Variants in CBR4 observed in about 807,000 individuals in gnomAD.
The protein encoded by CBR4 is 3-oxoacyl-[acyl-carrier-protein] reductase.
CBR4 carries 22 observed loss-of-function variants against 21.0 expected under a neutral mutation model. The ratio of observed to expected loss-of-function variants is 1.05; its 90% CI spans 0.75 to 1.50. CBR4 has a LOEUF of 1.50. Among genes scored for constraint, CBR4 ranks in the 40% most tolerant of loss-of-function variants. CBR4 has a pLI of 0.00. For missense variants in CBR4, 302 were observed against 286.3 expected, an observed-to-expected ratio of 1.05 and a Z score of -0.40; for synonymous variants, 100 against 104.4, an observed-to-expected ratio of 0.96 and a Z score of 0.26.
chr4:168,963,492 T>TG (rs1309071116), intron 2 of CBR4, among the ~76,000 whole-genome samples: 1 of 149,340 alleles, frequency 6.7e-6, no homozygotes, highest in Non-Finnish European at 1.5e-5. Flanking sequence ...TTTTTTGAGA[T>TG]GGAGTCTCAC....
chr4:168,961,047 G>A (rs1203139814), intron 2 of CBR4, among the ~76,000 whole-genome samples: 6 of 152,322 alleles, frequency 3.9e-5, no homozygotes, highest in South Asian at 4.1e-4. Context: ...AAGTGATCAC[G>A]TATTACAAGA....
chr4:168,895,521 T>C (rs1754937461), intron 2 of CBR4, among the ~76,000 whole-genome samples: 1 of 152,256 alleles, frequency 6.6e-6, no homozygotes, highest in South Asian at 2.1e-4. Flanking sequence ...TATTATAGAC[T>C]GTAGTCTTAA....
At chr4:168,985,405 T>C (rs1190793842), downstream of CBR4, among the ~76,000 whole-genome samples, 2 of 152,144 alleles carry the variant, frequency 1.3e-5, no homozygotes, top group Admixed American at 6.6e-5. Flanking sequence ...ATGCTGGTGG[T>C]TGTGGAGAAA....
chr4:168,946,473 G>C (rs1032419816), intron 2 of CBR4, among the ~76,000 whole-genome samples: 2 of 152,176 alleles, frequency 1.3e-5, no homozygotes, highest in Non-Finnish European at 1.5e-5. Flanking sequence ...GTTTTCAAAT[G>C]CTGCACCATG....
intron 2 of CBR4, among the ~76,000 whole-genome samples, chr4:168,919,020 AAAT>A (rs1760846398): frequency 1.3e-5 from 2 of 152,182 alleles, no homozygotes; most frequent in Admixed American, 6.5e-5. Context: ...TAAATATAAA[AAAT>A]AAGAGAGTGA....
chr4:168,918,411 ATGTT>A (rs1056366162), intron 2 of CBR4, among the ~76,000 whole-genome samples: 4 of 152,036 alleles, frequency 2.6e-5, no homozygotes, highest in African/African-American at 9.7e-5. Flanking sequence ...GGAGGACATA[ATGTT>A]AAGTGAAATA....
chr4:168,934,142 C>A (rs545963357), intron 2 of CBR4, among the ~76,000 whole-genome samples: 7 of 151,628 alleles, frequency 4.6e-5, no homozygotes, highest in Non-Finnish European at 1.0e-4. Flanking sequence ...ATAGCCCCAG[C>A]CACTCAGAAG....
chr4:168,969,216 G>A (rs1764132393), intron 2 of CBR4, among the ~76,000 whole-genome samples: 1 of 152,204 alleles, frequency 6.6e-6, no homozygotes, highest in Non-Finnish European at 1.5e-5. Flanking sequence ...GCTGCTCTGT[G>A]TACATTTGCT....
intron 4 of CBR4, among the ~76,000 whole-genome samples, chr4:169,000,016 T>C (rs1730286444): frequency 6.6e-6 from 1 of 152,234 alleles, no homozygotes; most frequent in Non-Finnish European, 1.5e-5. Flanking sequence ...CATGAGTTAT[T>C]GTTAGCTAAG....
intron 2 of CBR4, among the ~76,000 whole-genome samples, chr4:168,973,913 T>C (rs977329569): frequency 4.6e-5 from 7 of 152,242 alleles, no homozygotes; most frequent in African/African-American, 1.4e-4. Flanking sequence ...ACACCATTTA[T>C]AGTCAACTTT....
At chr4:169,006,944 A>G (rs1469107562) in intron 2 of CBR4, 53 bp from the exon 3 acceptor site, 1 of 1,444,784 alleles carries the variant, frequency 6.9e-7, no homozygotes, top group Non-Finnish European at 9.7e-7. Flanking sequence ...AAAAACCAAA[A>G]AGGTCAAGAC....
rs775325151 is a variant in CBR4 at position 169,006,780 on chromosome 4, T to C, written c.375A>G (p.Gln125=). 4.3e-6 allele frequency: 7 copies of C among 1,613,880 alleles called. No individual in the cohort carries two copies. The highest frequency in any genetic ancestry group is 5.9e-6 in the Non-Finnish European group (7 of 1,179,864). ...CTACATTAACAATAGACCCTCCCTG[T>C]TGTTGAATCATAGTCCTCATGGCAG... is the stretch of plus-strand genomic sequence containing the variant. ...CKAAMRTMIQ[Q]QGGSIVNVGS... The change falls in exon 3 of 5, where the codon CAA becomes CAG. Residue 125 remains glutamine (Q), a synonymous_variant. Coordinates refer to ENST00000306193, the MANE Select transcript of CBR4 (RefSeq NM_032783.5).
chr4:168,909,713 T>C (rs1039936038), intron 2 of CBR4, among the ~76,000 whole-genome samples: 1 of 152,212 alleles, frequency 6.6e-6, no homozygotes, highest in South Asian at 2.1e-4. Context: ...TAACTATGAT[T>C]ACCAGGGTTA....
chr4:168,905,790 CTTTTTTTTTTT>C (rs59427697), intron 2 of CBR4, among the ~76,000 whole-genome samples: 1 of 113,096 alleles, frequency 8.8e-6, no homozygotes, highest in Non-Finnish European at 1.7e-5. Flanking sequence ...GCTTTTTTTT[CTTTTTTTTTTT>C]TTTTTTTTTC....
Position 168,987,802 on chromosome 4 carries a change from A to C in CBR4, c.*2348T>G. 1.0e-6 allele frequency: 1 copy of C among 982,396 alleles called. No individual in the cohort carries two copies. The highest frequency in any genetic ancestry group is 1.2e-6 in the Non-Finnish European group (1 of 827,168). 60.9% of individuals were successfully genotyped at this position (982,396 alleles called of 1,614,324 possible). A position where few individuals can be genotyped will look rare whatever the true frequency, so the allele number is the denominator to read the frequency against. On this transcript the variant is annotated 3_prime_UTR_variant, in exon 5 of 5. Transcript: ENST00000306193. ...ATTAAATTATCCTCTTTGCACAATT[A>C]TTCCCCCCAAAACTAATTTATAACA... is the stretch of plus-strand genomic sequence containing the variant.
At chr4:168,918,253 AGC>A (rs1760643990) in intron 2 of CBR4, among the ~76,000 whole-genome samples, 1 of 151,796 alleles carries the variant, frequency 6.6e-6, no homozygotes, top group Non-Finnish European at 1.5e-5. Context: ...TGTTCATTGC[AGC>A]ACTATTCATA....
chr4:168,908,570 A>G (rs185157635), intron 2 of CBR4, among the ~76,000 whole-genome samples: 2 of 152,294 alleles, frequency 1.3e-5, no homozygotes, highest in East Asian at 3.9e-4. Context: ...TTGACAGAAA[A>G]CTGAAGTTGA....
At chr4:169,007,908 G>A (rs1005949737) in intron 1 of CBR4, 152 bp from the exon 2 acceptor site, 11 of 470,128 alleles carry the variant, frequency 2.3e-5, no homozygotes, top group Non-Finnish European at 3.3e-5. Context: ...GGCTTTCATA[G>A]AGTTGGTCTA....
intron 2 of CBR4, among the ~76,000 whole-genome samples, chr4:168,914,829 C>T (rs189869295): frequency 1.1e-3 from 163 of 152,276 alleles, no homozygotes; most frequent in African/African-American, 3.6e-3. Flanking sequence ...GAGTAAACAT[C>T]AAACAAGTGG....
Sources: allele counts gnomAD v4.1 joint callset (sites outside exome capture counted in the v4.1 genomes callset), GRCh38; gene constraint gnomAD v4.1.1; transcripts MANE v1.5; gene names NCBI Gene and HGNC (gene_info 2026-07-23, HGNC 2026-07-21).